SIL1: variants seen among roughly 807,000 people sequenced by gnomAD.
SIL1 encodes the protein nucleotide exchange factor SIL1.
A neutral mutation model predicts 49.1 loss-of-function variants in SIL1; 40 were observed. The observed-to-expected ratio is 0.81, with a 90% CI of 0.63 to 1.06. SIL1 has a LOEUF of 1.06. Among genes scored for constraint, SIL1 ranks in the 50% least tolerant of loss-of-function variants. SIL1 has a pLI of 0.00. For missense variants in SIL1, 500 were observed against 572.6 expected, an observed-to-expected ratio of 0.87 and a Z score of 1.29; for synonymous variants, 253 against 250.8, an observed-to-expected ratio of 1.01 and a Z score of -0.08.
intron 1 of SIL1, among the ~76,000 whole-genome samples, chr5:139,197,125 G>A (rs564393255): frequency 2.0e-5 from 3 of 152,040 alleles, no homozygotes; most frequent in South Asian, 4.2e-4. Flanking sequence ...AAAATTAGCC[G>A]GGCACGATGG....
At chr5:139,078,863 C>G (rs938839911) in intron 3 of SIL1, among the ~76,000 whole-genome samples, 2 of 152,244 alleles carry the variant, frequency 1.3e-5, no homozygotes, top group Non-Finnish European at 2.9e-5. Context: ...GTCAATGAAG[C>G]TAGACCAGTA....
At chr5:138,969,035 C>G (rs1445208103) in intron 7 of SIL1, among the ~76,000 whole-genome samples, 3 of 152,138 alleles carry the variant, frequency 2.0e-5, no homozygotes, top group African/African-American at 7.2e-5. Flanking sequence ...TCAATAACCC[C>G]CTGAGGTCCT....
intron 1 of SIL1, among the ~76,000 whole-genome samples, chr5:139,170,807 C>T (rs969845290): frequency 4.6e-5 from 7 of 151,446 alleles, no homozygotes; most frequent in Non-Finnish European, 8.9e-5. Flanking sequence ...CCAGCCGCCC[C>T]GTCCGGGAGG....
chr5:138,987,911 A>G lies in SIL1; in HGVS notation c.767+33260T>C, dbSNP rs184100881. Among the ~76,000 whole-genome samples, 130 of 152,302 alleles carry G rather than the reference A, an allele frequency of 8.5e-4. 1 individual carries two copies. The highest frequency in any genetic ancestry group is 3.0e-3 in the African/African-American group (124 of 41,566). On this transcript the variant is annotated intron_variant, in intron 7 of 9. Transcript: ENST00000394817. ...GAGTGCAATGGCGTGATCTCGGCTC[A>G]ATGCAACATCCATCTCCCGGGTTCA...
chr5:139,174,732 G>A (rs1751842856), intron 1 of SIL1, among the ~76,000 whole-genome samples: 2 of 151,722 alleles, frequency 1.3e-5, no homozygotes, highest in South Asian at 4.2e-4. Context: ...GAGGTCAGGA[G>A]TTCAAGACCA....
At chr5:138,973,697 G>A (rs908966105) in intron 7 of SIL1, among the ~76,000 whole-genome samples, 3 of 151,780 alleles carry the variant, frequency 2.0e-5, no homozygotes, top group East Asian at 1.9e-4. Context: ...TGATCTTCCC[G>A]CCTCCCAGAA....
intron 1 of SIL1, among the ~76,000 whole-genome samples, chr5:139,191,031 A>G (rs562688115): frequency 6.6e-6 from 1 of 152,146 alleles, no homozygotes; most frequent in East Asian, 1.9e-4. Flanking sequence ...CAGGAGTTCA[A>G]GACCAGCCTG....
At chr5:139,004,149 T>C (rs1768056720) in intron 7 of SIL1, among the ~76,000 whole-genome samples, 1 of 152,190 alleles carries the variant, frequency 6.6e-6, no homozygotes, top group Non-Finnish European at 1.5e-5. Flanking sequence ...GTCTTCATTA[T>C]TATTCGCCTG....
At chr5:139,182,018 A>G (rs1408221382) in intron 1 of SIL1, among the ~76,000 whole-genome samples, 1 of 152,078 alleles carries the variant, frequency 6.6e-6, no homozygotes, top group Non-Finnish European at 1.5e-5. Flanking sequence ...AAGGGGGTGG[A>G]AGGTTATTTG....
chr5:139,052,603 G>C (rs777753239), intron 3 of SIL1, among the ~76,000 whole-genome samples: 2 of 152,106 alleles, frequency 1.3e-5, no homozygotes, highest in Non-Finnish European at 2.9e-5. Context: ...AGAACTGCTT[G>C]AACCTGAATG....
intron 1 of SIL1, among the ~76,000 whole-genome samples, chr5:139,161,544 G>A (rs1751514037): frequency 6.6e-6 from 1 of 152,090 alleles, no homozygotes; most frequent in African/African-American, 2.4e-5. Flanking sequence ...AACATCTGTC[G>A]GCTAACCCTG....
intron 1 of SIL1, among the ~76,000 whole-genome samples, chr5:139,166,565 G>A (rs1751628209): frequency 6.6e-6 from 1 of 152,220 alleles, no homozygotes; most frequent in Non-Finnish European, 1.5e-5. Flanking sequence ...GCTGAGGCAG[G>A]AGGACTGCTT....
At chr5:139,160,175 AC>A (rs1751483670) in intron 1 of SIL1, among the ~76,000 whole-genome samples, 1 of 151,542 alleles carries the variant, frequency 6.6e-6, no homozygotes. Context: ...ACACACACAC[AC>A]ACACACACAC....
rs921440617 is a variant in SIL1, at chr5:139,021,241, T to C, written c.697A>G (p.Asn233Asp). Reference protein sequence around the residue: ...LSFGGLQVVINGLNSTEPLVK... With the variant: ...LSFGGLQVVIDGLNSTEPLVK... Reference sequence around the variant, plus strand: ...AGGGGCTCTGTGCTGTTCAGCCCATTGATCACCACTTGAAGACCACCAAAG... The same window carrying C: ...AGGGGCTCTGTGCTGTTCAGCCCATCGATCACCACTTGAAGACCACCAAAG... Residue 233 changes from asparagine to aspartate, a missense_variant, in exon 7 of 10, where the codon AAT becomes GAT. Asn to Asp is a conservative substitution (Grantham distance 23). Coordinates refer to ENST00000394817, the MANE Select transcript of SIL1 (RefSeq NM_022464.5). 9.9e-6 allele frequency: 16 copies of C among 1,614,038 alleles called. No individual in the cohort carries two copies. The highest frequency in any genetic ancestry group is 1.4e-5 in the Non-Finnish European group (16 of 1,180,030).
At position 138,947,309 on chromosome 5, in the gene SIL1, C is replaced by T. The variant is rs770107422; in HGVS notation, c.1194G>A (p.Leu398=). 3.7e-6 allele frequency: 6 copies of T among 1,613,566 alleles called. No individual in the cohort carries two copies. The South Asian group carries it at 6.6e-5, about 18-fold the overall frequency. Residue 398 remains leucine, a synonymous_variant, in exon 10 of 10, where the codon CTG becomes CTA. Coordinates refer to ENST00000394817, the MANE Select transcript of SIL1 (RefSeq NM_022464.5). This position sits in a 1 kb window ranked among gnomAD's most constrained non-coding sequence, Gnocchi z 4.1. The part of the protein sequence containing the change: ...LPEHDAREKV[L]QTLGVLLTTC... Reference sequence around the variant, plus strand: ...TGGTCAGGAGGACGCCCAGTGTCTGCAGCACCTTCTCACGGGCATCATGCT... The same window carrying T: ...TGGTCAGGAGGACGCCCAGTGTCTGTAGCACCTTCTCACGGGCATCATGCT...
intron 3 of SIL1, among the ~76,000 whole-genome samples, chr5:139,078,699 C>T (rs1376584182): frequency 6.6e-6 from 1 of 152,222 alleles, no homozygotes; most frequent in Non-Finnish European, 1.5e-5. Flanking sequence ...GAGGCAGAGA[C>T]CTGGCATTAT....
chr5:139,147,189 CCTTTTCAGCT>C lies in SIL1; in HGVS notation c.-10-19346_-10-19337del, dbSNP rs757634804. On this transcript the variant is annotated intron_variant, in intron 1 of 9. Coordinates refer to ENST00000394817, the MANE Select transcript of SIL1 (RefSeq NM_022464.5). ...CTTTTCAGGCAAGGGGTTTCCCTTG[CCTTTTCAGCT>C]CTTTTCAGCTCTTTTCCCAAGGGGT... Among the ~76,000 whole-genome samples the C allele has an allele frequency of 8.5e-5, 13 of 152,116 alleles. No homozygotes were observed. In the South Asian group the frequency reaches 1.0e-3, roughly 12 times the overall value.
intron 4 of SIL1, among the ~76,000 whole-genome samples, chr5:139,049,093 G>A (rs1234412592): frequency 2.0e-5 from 3 of 152,194 alleles, no homozygotes; most frequent in Non-Finnish European, 4.4e-5. Flanking sequence ...CTTCTGACAG[G>A]CATGTCAAGG....
intron 3 of SIL1, among the ~76,000 whole-genome samples, chr5:139,056,238 C>T (rs1769419051): frequency 6.6e-6 from 1 of 151,314 alleles, no homozygotes; most frequent in Non-Finnish European, 1.5e-5. Flanking sequence ...GCGCCTCTTC[C>T]CGGCCGCCAT....
Sources: allele counts gnomAD v4.1 joint callset (sites outside exome capture counted in the v4.1 genomes callset), GRCh38; gene constraint gnomAD v4.1.1; non-coding constraint Gnocchi (gnomAD v3.1); transcripts MANE v1.5; gene names NCBI Gene and HGNC (gene_info 2026-07-23, HGNC 2026-07-21).